The following PIK3C3 variants were observed in gnomAD, a reference collection of about 807,000 sequenced individuals.
PIK3C3 encodes phosphatidylinositol 3-kinase catalytic subunit type 3.
A neutral mutation model predicts 126.1 loss-of-function variants in PIK3C3; 95 were observed. The observed-to-expected ratio is 0.75, with a 90% CI of 0.64 to 0.89. PIK3C3 has a LOEUF of 0.89. PIK3C3 is among the 40% of genes least tolerant of loss of function. PIK3C3 has a pLI of 0.00. For synonymous variants in PIK3C3, 374 were observed against 360.0 expected, an observed-to-expected ratio of 1.04 and a Z score of -0.44; for missense variants, 829 against 1,063.2, an observed-to-expected ratio of 0.78 and a Z score of 3.06.
chr18:41,968,406 A>C (rs923689331), intron 3 of PIK3C3, among the ~76,000 whole-genome samples: 1 of 152,220 alleles, frequency 6.6e-6, no homozygotes, highest in African/African-American at 2.4e-5. Flanking sequence ...TATAAGAGAC[A>C]TGTATATATG....
rs79723155 is a variant in PIK3C3, at chr18:42,043,643, A to G, written c.2104-90A>G. The G allele has an allele frequency of 9.7e-3, 7,574 of 782,206 alleles. 312 individuals carry two copies. The East Asian group carries it at 0.1, about 11-fold the overall frequency. The allele number at this position is 782,206 out of a possible 1,614,324, so 48.5% of individuals were successfully genotyped here. A position where few individuals can be genotyped will look rare whatever the true frequency, so the allele number is the denominator to read the frequency against. On this transcript the variant is annotated intron_variant, in intron 19 of 24. Coordinates refer to ENST00000262039, the MANE Select transcript of PIK3C3 (RefSeq NM_002647.4). ...CTGTATTTTGATTAAGCTTTATGCT[A>G]GACACTTGCTGGTCACTATTTATAG...
At chr18:41,993,417 C>G in intron 7 of PIK3C3, 76 bp downstream of exon 7, 1 of 930,298 alleles carries the variant, frequency 1.1e-6, no homozygotes, top group Non-Finnish European at 1.7e-6. Context: ...CATGTACTTT[C>G]TTTAAACAAA....
intron 20 of PIK3C3, among the ~76,000 whole-genome samples, chr18:42,046,029 A>G (rs55971157): frequency 0.078 from 11,817 of 152,152 alleles, 886 homozygotes; most frequent in East Asian, 0.26. Flanking sequence ...TGTCTTTTGT[A>G]TAGTGGTCCA....
chr18:42,010,200 C>A (rs570893775), intron 10 of PIK3C3, among the ~76,000 whole-genome samples: 3 of 152,152 alleles, frequency 2.0e-5, no homozygotes, highest in Non-Finnish European at 1.5e-5. Flanking sequence ...AAGCATAGAT[C>A]GCATCTCAAG....
chr18:41,960,831 C>T (rs1361974469), intron 2 of PIK3C3, among the ~76,000 whole-genome samples: 3 of 151,710 alleles, frequency 2.0e-5, no homozygotes, highest in African/African-American at 4.8e-5. Flanking sequence ...CAGTCTTCAC[C>T]CTCTGGGTTC....
chr18:42,014,927 T>G (rs1983001046), intron 11 of PIK3C3, among the ~76,000 whole-genome samples: 1 of 152,118 alleles, frequency 6.6e-6, no homozygotes, highest in African/African-American at 2.4e-5. Flanking sequence ...ATATTGGAGG[T>G]CTTCAGTCTC....
intron 10 of PIK3C3, among the ~76,000 whole-genome samples, chr18:42,012,948 A>G (rs575722566): frequency 7.2e-5 from 11 of 152,274 alleles, no homozygotes; most frequent in African/African-American, 2.6e-4. Context: ...ATTTTTAAAG[A>G]TTCTAACCAG....
intron 4 of PIK3C3, among the ~76,000 whole-genome samples, chr18:41,980,767 A>T (rs963045101): frequency 6.6e-6 from 1 of 152,174 alleles, no homozygotes; most frequent in African/African-American, 2.4e-5. Context: ...TTATTTAATC[A>T]CTAGGAACAA....
intron 4 of PIK3C3, among the ~76,000 whole-genome samples, chr18:41,980,496 C>T (rs572785015): frequency 9.9e-5 from 15 of 152,158 alleles, no homozygotes; most frequent in African/African-American, 3.6e-4. Flanking sequence ...AATGAATATA[C>T]AAAATATAGA....
At chr18:42,054,585 C>A (rs996980806) in intron 21 of PIK3C3, among the ~76,000 whole-genome samples, 1 of 152,070 alleles carries the variant, frequency 6.6e-6, no homozygotes, top group African/African-American at 2.4e-5. Context: ...CAGCTTCTAT[C>A]CTGATTTTCT....
chr18:42,065,888 T>C (rs1463033710), intron 23 of PIK3C3, among the ~76,000 whole-genome samples: 2 of 152,192 alleles, frequency 1.3e-5, no homozygotes, highest in African/African-American at 4.8e-5. Flanking sequence ...AAAGAGAATA[T>C]TTTCATATTT....
intron 22 of PIK3C3, chr18:42,059,938 T>C (rs1239905917): frequency 6.6e-6 from 1 of 152,156 alleles, no homozygotes; most frequent in East Asian, 1.9e-4. Flanking sequence ...CAGCTAATTT[T>C]TTGTGTTTTT....
chr18:41,968,818 GT>G (rs147168600), intron 3 of PIK3C3, among the ~76,000 whole-genome samples: 4 of 147,086 alleles, frequency 2.7e-5, no homozygotes, highest in Non-Finnish European at 6.0e-5. Context: ...TTTTTTTGTT[GT>G]TTTTTTTTTA....
At chr18:42,070,333 C>T (rs1347804655) in intron 24 of PIK3C3, among the ~76,000 whole-genome samples, 2 of 152,210 alleles carry the variant, frequency 1.3e-5, no homozygotes, top group Non-Finnish European at 2.9e-5. Context: ...CACTGCCACT[C>T]AGCTAATGTG....
At chr18:42,029,632 TC>T (rs996411971) in intron 15 of PIK3C3, among the ~76,000 whole-genome samples, 191 bp downstream of exon 15, 2 of 145,606 alleles carry the variant, frequency 1.4e-5, no homozygotes, top group African/African-American at 5.1e-5. Flanking sequence ...AACCCCCACT[TC>T]CTGGGTTCAA....
chr18:41,977,564 C>T (rs551935798), intron 4 of PIK3C3, among the ~76,000 whole-genome samples: 137 of 151,978 alleles, frequency 9.0e-4, no homozygotes, highest in African/African-American at 2.8e-3. Flanking sequence ...GGTGCAATCT[C>T]GGCTCACTGC....
At chr18:41,975,698 G>GTTT (rs35430380) in intron 4 of PIK3C3, among the ~76,000 whole-genome samples, 4 of 134,680 alleles carry the variant, frequency 3.0e-5, no homozygotes, top group Non-Finnish European at 4.8e-5. Context: ...AAAACGGACT[G>GTTT]TTTTTTTTTT....
chr18:42,067,203 A>G (rs564847749), intron 23 of PIK3C3, among the ~76,000 whole-genome samples, 185 bp from the exon 24 acceptor site: 41 of 152,336 alleles, frequency 2.7e-4, no homozygotes, highest in Middle Eastern at 3.4e-3. Flanking sequence ...TACAGAGCAT[A>G]TAACAAAAAC....
intron 4 of PIK3C3, among the ~76,000 whole-genome samples, chr18:41,987,438 A>G (rs1981539291): frequency 6.6e-6 from 1 of 152,040 alleles, no homozygotes; most frequent in South Asian, 2.1e-4. Flanking sequence ...GGTTAGATAC[A>G]TTGAAAGATG....
Sources: gnomAD v4.1 joint callset for allele counts (sites outside exome capture counted in the v4.1 genomes callset) on GRCh38, gnomAD v4.1.1 for gene constraint, MANE v1.5 for transcripts, NCBI Gene and HGNC (gene_info 2026-07-23, HGNC 2026-07-21) for gene names.